NLGN4X: variants seen among roughly 807,000 people sequenced by gnomAD.
The protein encoded by NLGN4X is neuroligin 4 X-linked, also known as neuroligin-4, X-linked.
In NLGN4X, 3 loss-of-function variants were observed where a neutral mutation model predicts 40.3. That is an observed-to-expected ratio of 0.07 (90% CI 0.03 to 0.19). The LOEUF (loss-of-function observed/expected upper bound fraction) is 0.19. Ranked by LOEUF, NLGN4X falls within the 10% of genes least tolerant of loss-of-function variation. The pLI, the probability that NLGN4X is intolerant of heterozygous loss-of-function variation, is 1.00. For synonymous variants in NLGN4X, 270 were observed against 306.8 expected (o/e 0.88, Z 1.25); for missense variants, 382 against 708.3 (o/e 0.54, Z 5.23).
intron 2 of NLGN4X, among the ~76,000 whole-genome samples, chrX:6,110,196 T>C (rs1206211285): frequency 8.9e-6 from 1 of 111,872 alleles, no homozygotes; most frequent in African/African-American, 3.2e-5. Context: ...CAGAGATGTA[T>C]GGCACAGTCA....
intron 2 of NLGN4X, among the ~76,000 whole-genome samples, chrX:6,143,143 G>A (rs1354509071): frequency 8.9e-6 from 1 of 112,274 alleles, no homozygotes; most frequent in Non-Finnish European, 1.9e-5. Flanking sequence ...CAGGGTGCTT[G>A]TACGTGCTGG....
At chrX:6,120,382 G>A (rs1291988303) in intron 2 of NLGN4X, among the ~76,000 whole-genome samples, 1 of 111,886 alleles carries the variant, frequency 8.9e-6, no homozygotes, top group Non-Finnish European at 1.9e-5. Flanking sequence ...TTAAAGAACT[G>A]TAGAACAGTA....
At chrX:6,217,888 G>A (rs1925228044) in intron 1 of NLGN4X, among the ~76,000 whole-genome samples, 1 of 111,694 alleles carries the variant, frequency 9.0e-6, no homozygotes, top group Non-Finnish European at 1.9e-5. Flanking sequence ...AGAACCCTCT[G>A]TGGTAACAGG....
At chrX:6,020,608 C>T (rs1018570502) in intron 3 of NLGN4X, among the ~76,000 whole-genome samples, 2 of 111,910 alleles carry the variant, frequency 1.8e-5, no homozygotes, top group African/African-American at 6.5e-5. Flanking sequence ...TAAGTGTTTG[C>T]ACCAGAAAAA....
chrX:6,223,965 G>T (rs1925928108), intron 1 of NLGN4X, among the ~76,000 whole-genome samples: 1 of 112,584 alleles, frequency 8.9e-6, no homozygotes, highest in African/African-American at 3.2e-5. Context: ...TTCCCCATTT[G>T]GGAATAGAAT....
intron 3 of NLGN4X, among the ~76,000 whole-genome samples, chrX:5,939,019 T>C (rs1318975169): frequency 2.7e-5 from 3 of 109,294 alleles, no homozygotes; most frequent in Middle Eastern, 4.3e-3. Context: ...ATGTCGAAGC[T>C]TGGTTTTGCA....
chrX:6,033,840 T>C (rs369074866), intron 2 of NLGN4X, among the ~76,000 whole-genome samples: 1 of 112,291 alleles, frequency 8.9e-6, no homozygotes, highest in East Asian at 2.8e-4. Context: ...TTGGCTCCAT[T>C]GCTTCCTTCT....
At chrX:6,068,234 C>T (rs2037973241) in intron 2 of NLGN4X, among the ~76,000 whole-genome samples, 1 of 111,616 alleles carries the variant, frequency 9.0e-6, no homozygotes, top group South Asian at 3.8e-4. Context: ...TATAAGGGCT[C>T]AAGTCTTCTC....
chrX:6,208,283 C>T (rs1924215252), intron 1 of NLGN4X, among the ~76,000 whole-genome samples: 1 of 112,245 alleles, frequency 8.9e-6, no homozygotes, highest in East Asian at 2.8e-4. Flanking sequence ...AGCTGCATTT[C>T]GTTCTGCACT....
chrX:6,078,038 T>G (rs2038250709), intron 2 of NLGN4X, among the ~76,000 whole-genome samples: 1 of 111,762 alleles, frequency 8.9e-6, no homozygotes, highest in Non-Finnish European at 1.9e-5. Flanking sequence ...TTTCACATAA[T>G]TAAAAGGCTG....
intron 2 of NLGN4X, among the ~76,000 whole-genome samples, chrX:6,095,744 G>A (rs1385218150): frequency 8.9e-6 from 1 of 111,777 alleles, no homozygotes; most frequent in Non-Finnish European, 1.9e-5. Context: ...AAGGATGGGC[G>A]TTAGGTGTTA....
At chrX:6,053,889 CAT>C (rs1285669308) in intron 2 of NLGN4X, among the ~76,000 whole-genome samples, 2 of 112,370 alleles carry the variant, frequency 1.8e-5, no homozygotes, top group East Asian at 2.8e-4. Flanking sequence ...TGCATTATCA[CAT>C]ATGTTATACA....
At chrX:6,022,802 A>C (rs1426568366) in intron 3 of NLGN4X, among the ~76,000 whole-genome samples, 1 of 111,851 alleles carries the variant, frequency 8.9e-6, no homozygotes, top group Non-Finnish European at 1.9e-5. Context: ...TTTCAGAGGA[A>C]AACCCTACAA....
intron 1 of NLGN4X, among the ~76,000 whole-genome samples, chrX:6,195,329 A>G (rs1480718147): frequency 8.9e-6 from 1 of 112,205 alleles, no homozygotes; most frequent in Non-Finnish European, 1.9e-5. Flanking sequence ...ATAAAAGTGG[A>G]GCCAGAACTC....
At chrX:5,894,322 T>C (rs1230888216) in intron 5 of NLGN4X, among the ~76,000 whole-genome samples, 2 of 112,581 alleles carry the variant, frequency 1.8e-5, no homozygotes, top group Non-Finnish European at 3.7e-5. Context: ...AATGTTGCAG[T>C]TTTAGCAATG....
At chrX:6,084,121 A>G (rs1265406004) in intron 2 of NLGN4X, among the ~76,000 whole-genome samples, 3 of 112,195 alleles carry the variant, frequency 2.7e-5, no homozygotes, top group Non-Finnish European at 5.6e-5. Context: ...ATGAAAAGGA[A>G]TAAGAATTCT....
At chrX:6,086,439 T>C (rs2038498716) in intron 2 of NLGN4X, among the ~76,000 whole-genome samples, 2 of 111,966 alleles carry the variant, frequency 1.8e-5, no homozygotes, top group South Asian at 7.5e-4. Flanking sequence ...CCATATATTA[T>C]TCCCTTGAGT....
At chrX:6,083,470 T>C (rs1035011346) in intron 2 of NLGN4X, among the ~76,000 whole-genome samples, 5 of 111,891 alleles carry the variant, frequency 4.5e-5, no homozygotes, top group Admixed American at 1.9e-4. Context: ...CTAAGAAAGA[T>C]TGGAATGCAT....
At chrX:6,190,996 C>A (rs937645354) in intron 1 of NLGN4X, among the ~76,000 whole-genome samples, 2 of 110,818 alleles carry the variant, frequency 1.8e-5, no homozygotes, top group African/African-American at 6.6e-5. Context: ...GAGGAGCAGA[C>A]AATTATTTCA....
Sources: allele counts gnomAD v4.1 joint callset (sites outside exome capture counted in the v4.1 genomes callset), GRCh38; gene constraint gnomAD v4.1.1; transcripts MANE v1.5; gene names NCBI Gene and HGNC (gene_info 2026-07-23, HGNC 2026-07-21).